NRG2: variants seen among roughly 807,000 people sequenced by gnomAD.
NRG2 encodes the protein neuregulin 2, also known as pro-neuregulin-2, membrane-bound isoform.
NRG2 carries 27 observed loss-of-function variants against 73.9 expected under a neutral mutation model. That is an observed-to-expected ratio of 0.37 (90% CI 0.27 to 0.50). NRG2 has a LOEUF of 0.50. Ranked by LOEUF, NRG2 falls within the 20% of genes least tolerant of loss-of-function variation. NRG2 has a pLI of 0.96. For missense variants in NRG2, 1,126 were observed against 1,210.1 expected (o/e 0.93, Z 1.03); for synonymous variants, 532 against 541.0 (o/e 0.98, Z 0.23).
chr5:139,959,532 A>C (rs1754905419), intron 1 of NRG2, among the ~76,000 whole-genome samples: 1 of 152,180 alleles, frequency 6.6e-6, no homozygotes, highest in African/African-American at 2.4e-5. Context: ...ATGCGCCACC[A>C]CGCCCAGCTA....
At chr5:139,977,166 TG>T in intron 1 of NRG2, among the ~76,000 whole-genome samples, 1 of 152,246 alleles carries the variant, frequency 6.6e-6, no homozygotes, top group Non-Finnish European at 1.5e-5. Flanking sequence ...TAATGTAAGA[TG>T]TTAATACTAT....
In NRG2 at chr5:139,954,330, C is replaced by T. The variant is rs951050636; in HGVS notation, c.701-66819G>A. On this transcript the variant is annotated intron_variant, in intron 1 of 9. Coordinates refer to ENST00000361474, the MANE Select transcript of NRG2 (RefSeq NM_004883.3). The surrounding 1 kb of genome is among the most constrained non-coding windows in gnomAD (Gnocchi z 5.0). ...GCTGTCTAGCCCCAGGTCCCAAGGTCGCCCATGTCAGCACCTATAGTGGAC... is the reference window on the plus strand; with the variant it reads ...GCTGTCTAGCCCCAGGTCCCAAGGTTGCCCATGTCAGCACCTATAGTGGAC... 6.6e-6 allele frequency among the ~76,000 whole-genome samples: 1 copy of T among 152,102 alleles called. No individual in the cohort carries two copies. Among genetic ancestry groups the T allele is most frequent in the Non-Finnish European group, 1.5e-5 (1 of 68,020 alleles).
At chr5:139,855,548 G>T (rs575670424) in intron 6 of NRG2, 128 bp downstream of exon 6, 1 of 768,968 alleles carries the variant, frequency 1.3e-6, no homozygotes, top group Non-Finnish European at 2.2e-6. Flanking sequence ...GGCCCCCGAG[G>T]GGTAGTTGGG....
intron 9 of NRG2, among the ~76,000 whole-genome samples, chr5:139,850,286 G>C (rs1761330989): frequency 6.6e-6 from 1 of 152,202 alleles, no homozygotes; most frequent in Non-Finnish European, 1.5e-5. Context: ...CTACAGCTGA[G>C]GGAACAAGGT....
Position 139,865,155 on chromosome 5 carries a change from G to A in NRG2, c.1189+394C>T, listed in dbSNP as rs767198606. 2.0e-5 allele frequency: 32 copies of A among 1,613,600 alleles called. No homozygotes were observed. The highest frequency in any genetic ancestry group is 2.4e-5 in the Non-Finnish European group (28 of 1,179,712). The stretch of plus-strand genomic sequence containing the variant: ...TTGCGAACTGCTGACACCTGTCCCC[G>A]GTGTATCCCACAGGACACCTACCAA... On this transcript the variant is annotated intron_variant, in intron 5 of 9. Transcript: ENST00000361474. This position sits in a 1 kb window ranked among gnomAD's most constrained non-coding sequence, Gnocchi z 5.2.
At chr5:140,018,373 G>GT (rs1779161362) in intron 1 of NRG2, among the ~76,000 whole-genome samples, 1 of 152,214 alleles carries the variant, frequency 6.6e-6, no homozygotes, top group Non-Finnish European at 1.5e-5. Context: ...AGGGATGGGT[G>GT]TGTTAGCAGG....
At chr5:139,980,144 GT>G (rs1382032935) in intron 1 of NRG2, among the ~76,000 whole-genome samples, 2 of 152,128 alleles carry the variant, frequency 1.3e-5, no homozygotes, top group East Asian at 3.9e-4. Flanking sequence ...AGGCAGATGG[GT>G]TTGGTGATGA....
intron 1 of NRG2, among the ~76,000 whole-genome samples, chr5:139,901,971 C>T (rs914444410): frequency 1.3e-5 from 2 of 152,360 alleles, no homozygotes; most frequent in Admixed American, 1.3e-4. Flanking sequence ...GGTATGCAGG[C>T]TTACGCTCTG....
intron 1 of NRG2, among the ~76,000 whole-genome samples, chr5:139,944,067 TA>T (rs1398159979): frequency 6.6e-6 from 1 of 151,950 alleles, no homozygotes; most frequent in Non-Finnish European, 1.5e-5. Context: ...TTTCAACCCC[TA>T]AAAAATATGT....
chr5:139,974,750 G>A (rs371148169), intron 1 of NRG2, among the ~76,000 whole-genome samples: 5 of 152,042 alleles, frequency 3.3e-5, no homozygotes, highest in Non-Finnish European at 7.4e-5. Flanking sequence ...ACCCAGCCTC[G>A]GGACCAACTG....
rs920136194 is a variant in NRG2 at position 139,970,971 on chromosome 5, G to A, written c.700+71399C>T. Reference sequence around the variant, plus strand: ...TCTTTTTTTTTTATTTTTTCCCCTTGAGCTTTGAAAGTTAATGAATCTCCA... The same window carrying A: ...TCTTTTTTTTTTATTTTTTCCCCTTAAGCTTTGAAAGTTAATGAATCTCCA... On this transcript the variant is annotated intron_variant, in intron 1 of 9. Transcript: ENST00000361474. Among the ~76,000 whole-genome samples the A allele has an allele frequency of 4.6e-5, 7 of 151,380 alleles. No homozygotes were observed. In the South Asian group the frequency reaches 1.5e-3, roughly 32 times the overall value.
At position 140,008,474 on chromosome 5, in the gene NRG2, C is replaced by T. The variant is rs1759079939; in HGVS notation, c.700+33896G>A. On this transcript the variant is annotated intron_variant, in intron 1 of 9. Transcript: ENST00000361474. This position sits in a 1 kb window ranked among gnomAD's most constrained non-coding sequence, Gnocchi z 4.2. ...CTCTAAGGTCTAGTCCTATTATAGG[C>T]CCACTTCTGGGATTGCTTAGAGATC... Among the ~76,000 whole-genome samples the T allele has an allele frequency of 6.6e-6, 1 of 152,172 alleles. No individual in the cohort carries two copies. The highest frequency in any genetic ancestry group is 1.5e-5 in the Non-Finnish European group (1 of 68,030).
chr5:139,879,676 A>G (rs1763403904), intron 3 of NRG2, among the ~76,000 whole-genome samples: 1 of 152,204 alleles, frequency 6.6e-6, no homozygotes, highest in African/African-American at 2.4e-5. Context: ...ACAGGATAAA[A>G]GCACCTTAGG....
intron 3 of NRG2, among the ~76,000 whole-genome samples, chr5:139,876,944 TG>T (rs1763217493): frequency 6.6e-6 from 1 of 151,530 alleles, no homozygotes; most frequent in East Asian, 1.9e-4. Flanking sequence ...TGTGTGTGTG[TG>T]TGTGTGTGTG....
intron 2 of NRG2, among the ~76,000 whole-genome samples, chr5:139,881,661 A>G (rs1763532323): frequency 6.6e-6 from 1 of 152,240 alleles, no homozygotes; most frequent in South Asian, 2.1e-4. Context: ...TGCTTACAGA[A>G]GGGAAAACTG....
At chr5:139,867,011 T>G (rs1561637647) in intron 4 of NRG2, among the ~76,000 whole-genome samples, 1 of 152,214 alleles carries the variant, frequency 6.6e-6, no homozygotes, top group Non-Finnish European at 1.5e-5. Flanking sequence ...TTAGCTAAGT[T>G]CATCACCAGT....
chr5:139,849,308 T>C (rs536361207), intron 9 of NRG2, among the ~76,000 whole-genome samples: 46 of 152,326 alleles, frequency 3.0e-4, no homozygotes, highest in Admixed American at 1.6e-3. Context: ...TCCATTCAGA[T>C]ACCCCTGTGA....
chr5:139,922,411 A>G (rs1751742175), intron 1 of NRG2, among the ~76,000 whole-genome samples: 1 of 152,232 alleles, frequency 6.6e-6, no homozygotes, highest in Non-Finnish European at 1.5e-5. Flanking sequence ...ACCATGATAC[A>G]CCTATTAGAA....
At chr5:140,020,691 T>C (rs1352255939) in intron 1 of NRG2, among the ~76,000 whole-genome samples, 1 of 152,204 alleles carries the variant, frequency 6.6e-6, no homozygotes, top group African/African-American at 2.4e-5. Context: ...AAAGCACCAC[T>C]GCATTTTAGC....
Sources: allele counts gnomAD v4.1 joint callset (sites outside exome capture counted in the v4.1 genomes callset), GRCh38; gene constraint gnomAD v4.1.1; non-coding constraint Gnocchi (gnomAD v3.1); transcripts MANE v1.5; gene names NCBI Gene and HGNC (gene_info 2026-07-23, HGNC 2026-07-21).